The following SMTN variants were observed in gnomAD, a reference collection of about 807,000 sequenced individuals.
SMTN encodes the protein smoothelin.
Under a neutral mutation model 102.0 loss-of-function variants are expected in SMTN, and 58 were observed. The observed-to-expected ratio is 0.57, with a 90% confidence interval of 0.46 to 0.71. The LOEUF (loss-of-function observed/expected upper bound fraction) is 0.71. Ranked by LOEUF, SMTN falls within the 30% of genes least tolerant of loss-of-function variation. The probability of loss-of-function intolerance (pLI) is 0.00; values close to 1 mark genes in which losing one functional copy is unlikely to be tolerated. For missense variants in SMTN, 1,185 were observed against 1,241.7 expected (o/e 0.95, Z 0.69); for synonymous variants, 478 against 497.9 (o/e 0.96, Z 0.53).
At chr22:31,081,175 G>A (rs1207080532), upstream of SMTN, 1 of 152,084 alleles carries the variant, frequency 6.6e-6, no homozygotes, top group East Asian at 1.9e-4. Flanking sequence ...GAGGGGCGGG[G>A]CCTTCCTCTC....
At position 31,089,946 on chromosome 22, in the gene SMTN, C is replaced by A. The variant is rs564877512; in HGVS notation, c.719C>A (p.Pro240Gln). 2 of 1,600,054 alleles carry A rather than the reference C, an allele frequency of 1.2e-6. No homozygotes were observed. The highest frequency in any genetic ancestry group is 1.7e-5 in the Admixed American group (1 of 57,546). The change falls in exon 7 of 21, where the codon CCA (proline) becomes CAA (glutamine). Residue 240 changes from proline to glutamine, a missense_variant. Transcript: ENST00000333137. The part of the protein sequence containing the change: ...VPGSPEPPPS[P>Q]PKTTSPEPQE... ...GGCAGCCCAGAGCCACCCCCCAGCCCACCCAAGACCACCAGCCCTGAGCCT... is the reference window on the plus strand; with the variant it reads ...GGCAGCCCAGAGCCACCCCCCAGCCAACCCAAGACCACCAGCCCTGAGCCT...
chr22:31,099,268 A>C, intron 18 of SMTN, 89 bp downstream of exon 18: 1 of 785,228 alleles, frequency 1.3e-6, no homozygotes, highest in Admixed American at 2.5e-5. Flanking sequence ...TACCCAGTAC[A>C]CTTCCTGCCA....
intron 11 of SMTN, chr22:31,093,733 G>A: frequency 1.5e-6 from 2 of 1,372,188 alleles, no homozygotes; most frequent in Non-Finnish European, 2.1e-6. Flanking sequence ...GCCTGAGCTG[G>A]AGCCCAGCGA....
intron 1 of SMTN, chr22:31,082,759 G>T: frequency 9.4e-7 from 1 of 1,067,148 alleles, no homozygotes; most frequent in Non-Finnish European, 1.3e-6. Flanking sequence ...CTGAGCCTGC[G>T]GAGTGGGTGG....
At chr22:31,071,936 T>C (rs2042014435) in intron 1 of SMTN, among the ~76,000 whole-genome samples, 1 of 152,010 alleles carries the variant, frequency 6.6e-6, no homozygotes, top group South Asian at 2.1e-4. Context: ...ACTCAAGCGA[T>C]CCTCCCACCT....
chr22:31,082,680 C>G (rs2042388968), intron 1 of SMTN: 1 of 634,014 alleles, frequency 1.6e-6, no homozygotes. Flanking sequence ...CACAGTGTAC[C>G]TTCCTATACC....
chr22:31,095,270 G>C lies in SMTN; in HGVS notation c.1633-33G>C, dbSNP rs777749364. The C allele has an allele frequency of 1.9e-6, 3 of 1,609,968 alleles. No individual in the cohort carries two copies. The highest frequency in any genetic ancestry group is 1.7e-5 in the Admixed American group (1 of 59,830). On this transcript the variant is annotated intron_variant, in intron 11 of 20. Transcript: ENST00000333137. This position sits in a 1 kb window ranked among gnomAD's most constrained non-coding sequence, Gnocchi z 4.1. ...CATGATGAGTTTCACCCATACCCCT[G>C]CTTAAAGTCCATGCCCTCTCCCCAC...
chr22:31,100,982 T>C lies in SMTN; in HGVS notation c.2701T>C (p.Tyr901His). Residue 901 changes from tyrosine (Y) to histidine (H), a missense_variant, in exon 20 of 21, where the codon TAC becomes CAC. Tyr to His is a moderately conservative substitution (Grantham distance 83). Transcript: ENST00000333137. ...KCVYTYIQEF[Y>H]RCLVQKGLVK... The stretch of plus-strand genomic sequence containing the variant: ...CGTGTACACGTACATCCAGGAATTC[T>C]ACCGCTGTCTGGTCCAGAAGGGGCT... The C allele has an allele frequency of 3.7e-6, 6 of 1,613,548 alleles. No homozygotes were observed. Among genetic ancestry groups the C allele is most frequent in the Non-Finnish European group, 5.1e-6 (6 of 1,179,878 alleles).
chr22:31,099,656 C>A, intron 18 of SMTN, 89 bp from the exon 19 acceptor site: 1 of 1,455,254 alleles, frequency 6.9e-7, no homozygotes, highest in Non-Finnish European at 9.4e-7. Flanking sequence ...GTGCCCAGTG[C>A]CCTAGGTCTG....
Position 31,097,052 on chromosome 22 carries a change from G to A in SMTN, c.2081G>A (p.Arg694His), listed in dbSNP as rs749647879. 10 of 1,613,868 alleles carry A rather than the reference G, an allele frequency of 6.2e-6. No individual in the cohort carries two copies. The highest frequency in any genetic ancestry group is 4.5e-5 in the East Asian group (2 of 44,898). Residue 694 changes from arginine (R) to histidine (H), a missense_variant, in exon 15 of 21, where the codon CGC (arginine) becomes CAC (histidine). Transcript: ENST00000333137. ...ACAGTGGAGTCGAGTTTCGTGAGGC[G>A]CTCGGAGAGTAAGGCCACCTGGTGT... ...TTTVESSFVR[R>H]SENGSGSTMM...
At chr22:31,097,437 C>T (rs1254815813) in intron 16 of SMTN, 99 bp downstream of exon 16, 2 of 1,106,860 alleles carry the variant, frequency 1.8e-6, no homozygotes, top group Non-Finnish European at 2.8e-6. Flanking sequence ...GGCACAGTGG[C>T]TCTTGCCTGT....
At chr22:31,096,618 C>A in intron 13 of SMTN, 115 bp from the exon 14 acceptor site, 1 of 1,144,646 alleles carries the variant, frequency 8.7e-7, no homozygotes, top group Non-Finnish European at 1.2e-6. Context: ...CTGTGTCATT[C>A]ATGTTTCTAA....
At chr22:31,065,804 G>T (rs1569230639) in intron 1 of SMTN, 1 of 150,362 alleles carries the variant, frequency 6.7e-6, no homozygotes, top group Non-Finnish European at 1.5e-5. Flanking sequence ...GTAGATCCAT[G>T]ACCTTGCTGG....
chr22:31,083,093 T>G (rs1602590065), intron 1 of SMTN, 86 bp from the exon 2 acceptor site: 1 of 1,517,794 alleles, frequency 6.6e-7, no homozygotes, highest in Non-Finnish European at 8.9e-7. Flanking sequence ...CGCTCCTAGG[T>G]TAGAGAGGGA....
chr22:31,097,385 A>C, intron 16 of SMTN, 47 bp downstream of exon 16: 1 of 1,549,490 alleles, frequency 6.5e-7, no homozygotes. Context: ...TCAGTGCCAC[A>C]GGGGACCTAA....
rs777686698 is a variant in SMTN, at chr22:31,101,017, CA to C, written c.2741del (p.Lys914SerfsTer24). The C allele has an allele frequency of 6.2e-7, 1 of 1,612,200 alleles. No individual in the cohort carries two copies. Among genetic ancestry groups the C allele is most frequent in the Non-Finnish European group, 8.5e-7 (1 of 1,179,228 alleles). On this transcript the variant is annotated frameshift_variant, in exon 20 of 21. Coordinates refer to ENST00000333137, the MANE Select transcript of SMTN (RefSeq NM_134269.3). LOFTEE classifies it high-confidence loss of function. ...CLVQKGLVKT[K>X]KS Reference sequence around the variant, plus strand: ...TGGTCCAGAAGGGGCTGGTAAAAACCAAAAAGTCCTAACCCCTGCTCGGGGC... The same window carrying C: ...TGGTCCAGAAGGGGCTGGTAAAAACCAAAAGTCCTAACCCCTGCTCGGGGC...
rs2044343361 is a variant in SMTN at position 31,104,512 on chromosome 22, T to A, written c.*217T>A. 5.0e-6 allele frequency: 8 copies of A among 1,599,328 alleles called. No homozygotes were observed. Among genetic ancestry groups the A allele is most frequent in the Non-Finnish European group, 6.8e-6 (8 of 1,174,958 alleles). On this transcript the variant is annotated 3_prime_UTR_variant, in exon 21 of 21. Coordinates refer to ENST00000333137, the MANE Select transcript of SMTN (RefSeq NM_134269.3). ...GCCAGTGGCAAGCTGCCGCCCCCAC[T>A]CTCCGGGCACCGTCTCCTGCCTGTG... is the stretch of plus-strand genomic sequence containing the variant.
chr22:31,085,988 G>T (rs2042670261), intron 2 of SMTN, among the ~76,000 whole-genome samples: 2 of 152,306 alleles, frequency 1.3e-5, no homozygotes, highest in South Asian at 4.1e-4. Flanking sequence ...GAGACAAAAG[G>T]CTAGCCCTTG....
At position 31,091,144 on chromosome 22, in the gene SMTN, C is replaced by A. The variant is rs1268047769; in HGVS notation, c.1121C>A (p.Pro374His). The change falls in exon 10 of 21, where the codon CCT (proline) becomes CAT (histidine). Residue 374 changes from proline to histidine, a missense_variant. Physicochemically the swap from Pro to His is moderately conservative, Grantham distance 77. Transcript: ENST00000333137. Reference sequence around the variant, plus strand: ...GGCCCCTCCCTCACCAGCACCACCCCTGCCTCCTCCTCCAGCGGCTCCTCC... The same window carrying A: ...GGCCCCTCCCTCACCAGCACCACCCATGCCTCCTCCTCCAGCGGCTCCTCC... ...LLGPSLTSTT[P>H]ASSSSGSSSR... 3 of 1,613,902 alleles carry A rather than the reference C, an allele frequency of 1.9e-6. No individual in the cohort carries two copies. Among genetic ancestry groups the A allele is most frequent in the Non-Finnish European group, 2.5e-6 (3 of 1,179,886 alleles).
Sources: allele counts gnomAD v4.1 joint callset (sites outside exome capture counted in the v4.1 genomes callset), GRCh38; gene constraint gnomAD v4.1.1; non-coding constraint Gnocchi (gnomAD v3.1); transcripts MANE v1.5; gene names NCBI Gene and HGNC (gene_info 2026-07-23, HGNC 2026-07-21).